Variants in METTL25 observed in about 807,000 individuals in gnomAD.
METTL25 encodes methyltransferase like 25, also known as probable methyltransferase-like protein 25.
METTL25 carries 64 observed loss-of-function variants against 71.6 expected under a neutral mutation model. The ratio of observed to expected loss-of-function variants is 0.89; its 90% confidence interval spans 0.73 to 1.10. The LOEUF (loss-of-function observed/expected upper bound fraction) is 1.10. METTL25 is among the 50% of genes least tolerant of loss of function. The pLI is 0.00. For missense variants in METTL25, 807 were observed against 707.0 expected (o/e 1.14, Z -1.60); for synonymous variants, 287 against 250.3 (o/e 1.15, Z -1.38).
Position 82,380,749 on chromosome 12 carries a change from T to G in METTL25, c.260-6054T>G, listed in dbSNP as rs557669308. 2.5e-4 allele frequency among the ~76,000 whole-genome samples: 38 copies of G among 152,354 alleles called. No individual in the cohort carries two copies. The South Asian group carries it at 5.2e-3, about 21-fold the overall frequency. ...ACAGCAGTGAATAAAAATTCTTGTC[T>G]TCTTGGATCTTGCTTACTATACCAG... On this transcript the variant is annotated intron_variant, in intron 1 of 11. Coordinates refer to ENST00000248306, the MANE Select transcript of METTL25 (RefSeq NM_032230.3).
Position 82,358,533 on chromosome 12 carries a change from T to A in METTL25, c.-33T>A. ...CCGAGCTGGCGCCTCACGGCCATGT[T>A]TGCGCCACCTACAGCCTCGGAGGGT... On this transcript the variant is annotated 5_prime_UTR_variant, in exon 1 of 12. The change creates a new upstream start codon in the 5' untranslated region. Coordinates refer to ENST00000248306, the MANE Select transcript of METTL25 (RefSeq NM_032230.3). The A allele has an allele frequency of 6.2e-7, 1 of 1,602,504 alleles. No homozygotes were observed. Among genetic ancestry groups the A allele is most frequent in the Non-Finnish European group, 8.5e-7 (1 of 1,176,250 alleles).
rs151160806 is a variant in METTL25 at position 82,472,080 on chromosome 12, C to T, written c.1573-4564C>T. On this transcript the variant is annotated intron_variant, in intron 9 of 11. Transcript: ENST00000248306. Reference sequence around the variant, plus strand: ...GACGCAGTTGAGATTCCATTACCTACAATCTGTCTTGGGACATTGGGACAT... The same window carrying T: ...GACGCAGTTGAGATTCCATTACCTATAATCTGTCTTGGGACATTGGGACAT... Among the ~76,000 whole-genome samples the T allele has an allele frequency of 1.7e-3, 253 of 152,268 alleles. 3 individuals carry two copies. Among genetic ancestry groups the T allele is most frequent in the East Asian group, 0.015 (78 of 5,186 alleles).
At chr12:82,413,083 G>A (rs538947014) in intron 5 of METTL25, among the ~76,000 whole-genome samples, 4 of 152,020 alleles carry the variant, frequency 2.6e-5, no homozygotes, top group African/African-American at 9.6e-5. Context: ...ATTCTTTTCG[G>A]TGACTCTCTT....
chr12:82,468,845 A>T (rs1892399590), intron 9 of METTL25: 1 of 152,232 alleles, frequency 6.6e-6, no homozygotes, highest in South Asian at 2.1e-4. Context: ...AGCCAGGAAC[A>T]CGAGTATTCC....
chr12:82,406,464 AT>A (rs1220581268), intron 5 of METTL25, among the ~76,000 whole-genome samples: 1 of 152,068 alleles, frequency 6.6e-6, no homozygotes, highest in Non-Finnish European at 1.5e-5. Context: ...CACATAATAT[AT>A]TTTTTATAGT....
intron 1 of METTL25, among the ~76,000 whole-genome samples, chr12:82,373,602 A>G (rs1883502081): frequency 6.6e-6 from 1 of 152,152 alleles, no homozygotes; most frequent in African/African-American, 2.4e-5. Context: ...AAGGGTCAGG[A>G]TAGATAGGAT....
At chr12:82,423,584 C>T (rs1888713903) in intron 5 of METTL25, among the ~76,000 whole-genome samples, 1 of 152,180 alleles carries the variant, frequency 6.6e-6, no homozygotes, top group Non-Finnish European at 1.5e-5. Flanking sequence ...GCAAAAGAAA[C>T]TACCATCGGA....
At chr12:82,433,457 T>C (rs897035512) in intron 6 of METTL25, among the ~76,000 whole-genome samples, 2 of 151,730 alleles carry the variant, frequency 1.3e-5, no homozygotes, top group African/African-American at 4.8e-5. Context: ...AGATGTTCAG[T>C]GAAAGTATCC....
intron 1 of METTL25, among the ~76,000 whole-genome samples, chr12:82,386,038 T>C (rs749823148): frequency 6.6e-6 from 1 of 152,114 alleles, no homozygotes; most frequent in Non-Finnish European, 1.5e-5. Flanking sequence ...ATCATTCTAG[T>C]CTAAATTAGT....
At chr12:82,449,035 C>T (rs1336782937) in intron 8 of METTL25, among the ~76,000 whole-genome samples, 1 of 152,176 alleles carries the variant, frequency 6.6e-6, no homozygotes, top group African/African-American at 2.4e-5. Flanking sequence ...GAAAGTGTTA[C>T]AAGTAAACCA....
chr12:82,464,852 T>A (rs1465199445), intron 9 of METTL25, among the ~76,000 whole-genome samples: 1 of 149,714 alleles, frequency 6.7e-6, no homozygotes, highest in East Asian at 2.0e-4. Flanking sequence ...TCGTATATAT[T>A]TTATTTCCTT....
chr12:82,363,932 G>C (rs1007369464), intron 1 of METTL25, among the ~76,000 whole-genome samples: 4 of 152,114 alleles, frequency 2.6e-5, no homozygotes, highest in African/African-American at 9.7e-5. Context: ...TATGTTTAAA[G>C]AGCTCCAAGA....
At chr12:82,429,679 T>G (rs1233122141) in intron 5 of METTL25, among the ~76,000 whole-genome samples, 1 of 151,664 alleles carries the variant, frequency 6.6e-6, no homozygotes, top group East Asian at 1.9e-4. Context: ...CCCTGATGAT[T>G]AGTGATGTTC....
intron 8 of METTL25, among the ~76,000 whole-genome samples, chr12:82,445,060 C>G (rs574772007): frequency 1.6e-4 from 24 of 151,952 alleles, no homozygotes; most frequent in Non-Finnish European, 1.9e-4. Context: ...TAGTATACCT[C>G]CAGGAACTAG....
intron 3 of METTL25, among the ~76,000 whole-genome samples, chr12:82,395,524 C>G (rs1302502221): frequency 6.6e-6 from 1 of 152,070 alleles, no homozygotes; most frequent in Non-Finnish European, 1.5e-5. Flanking sequence ...GAGTCCTGTT[C>G]TTTACCTGGA....
At chr12:82,380,381 G>A (rs1884320714) in intron 1 of METTL25, among the ~76,000 whole-genome samples, 1 of 151,986 alleles carries the variant, frequency 6.6e-6, no homozygotes, top group African/African-American at 2.4e-5. Flanking sequence ...GTTTACCTAT[G>A]TAACAAACCT....
At chr12:82,408,919 C>G (rs1246118639) in intron 5 of METTL25, among the ~76,000 whole-genome samples, 3 of 152,094 alleles carry the variant, frequency 2.0e-5, no homozygotes, top group Non-Finnish European at 4.4e-5. Context: ...GTGTCCTTCT[C>G]TTAATATCTT....
At chr12:82,363,391 TGGAAATTTACACTA>T (rs1164344808) in intron 1 of METTL25, among the ~76,000 whole-genome samples, 2 of 152,092 alleles carry the variant, frequency 1.3e-5, no homozygotes, top group African/African-American at 4.8e-5. Flanking sequence ...GCAGAGCAAC[TGGAAATTTACACTA>T]GGGAGTCTTT....
chr12:82,439,351 G>T (rs997744910), intron 8 of METTL25, among the ~76,000 whole-genome samples: 10 of 151,660 alleles, frequency 6.6e-5, no homozygotes, highest in African/African-American at 2.4e-4. Context: ...TCATAATATT[G>T]GTTCAACAAC....
Sources: gnomAD v4.1 joint callset for allele counts (sites outside exome capture counted in the v4.1 genomes callset) on GRCh38, gnomAD v4.1.1 for gene constraint, MANE v1.5 for transcripts, NCBI Gene and HGNC (gene_info 2026-07-23, HGNC 2026-07-21) for gene names.